Variants in CHST9 observed in about 807,000 individuals in gnomAD.
The protein encoded by CHST9 is GalNAc-4-sulfotransferase 2.
In CHST9, 41 loss-of-function variants were observed where a neutral mutation model predicts 44.4. That is an observed-to-expected ratio of 0.92 (90% CI 0.72 to 1.20). The LOEUF (loss-of-function observed/expected upper bound fraction) is 1.20, where lower values mean the gene tolerates loss of function less well. Among genes scored for constraint, CHST9 ranks in the 50% most tolerant of loss-of-function variants. The probability of loss-of-function intolerance (pLI) is 0.00; values close to 1 mark genes in which losing one functional copy is unlikely to be tolerated. For synonymous variants in CHST9, 171 were observed against 178.4 expected (o/e 0.96, Z 0.33); for missense variants, 504 against 516.5 (o/e 0.98, Z 0.23).
chr18:26,920,861 C>G (rs1367578785), intron 5 of CHST9, among the ~76,000 whole-genome samples: 1 of 152,312 alleles, frequency 6.6e-6, no homozygotes, highest in East Asian at 1.9e-4. Context: ...TCGTGTTTAA[C>G]CTGCCTGCCA....
In CHST9 at chr18:26,911,586, G is replaced by C. The variant is rs778680755; in HGVS notation, c.*4673C>G. 16 of 152,202 alleles carry C rather than the reference G, an allele frequency of 1.1e-4. No individual in the cohort carries two copies. Among genetic ancestry groups the C allele is most frequent in the Non-Finnish European group, 1.8e-4 (12 of 68,036 alleles). The allele number at this position is 152,202 out of a possible 1,614,324, so 9.4% of individuals were successfully genotyped here. On this transcript the variant is annotated 3_prime_UTR_variant, in exon 6 of 6. Coordinates refer to ENST00000618847, the MANE Select transcript of CHST9 (RefSeq NM_031422.6). The stretch of plus-strand genomic sequence containing the variant: ...CAAGAAATGAATGTCCAGATATATA[G>C]AGAGGGGAGCATTCCAAATATAGTG...
chr18:26,979,311 A>G (rs908436295), intron 4 of CHST9, among the ~76,000 whole-genome samples: 4 of 152,176 alleles, frequency 2.6e-5, no homozygotes, highest in African/African-American at 4.8e-5. Flanking sequence ...CCATAAGACA[A>G]TCACTGTTAA....
intron 2 of CHST9, among the ~76,000 whole-genome samples, chr18:27,133,350 CTT>C (rs897718549): frequency 1.4e-4 from 22 of 152,284 alleles, no homozygotes; most frequent in African/African-American, 4.8e-4. Flanking sequence ...GTTCAGAAGA[CTT>C]TAAGCAATTT....
At chr18:27,000,653 T>TATCTATCTATCTATCTATC (rs1481787739) in intron 4 of CHST9, among the ~76,000 whole-genome samples, 114 of 151,560 alleles carry the variant, frequency 7.5e-4, no homozygotes, top group African/African-American at 2.6e-3. Flanking sequence ...TCTATCTATC[T>TATCTATCTATCTATCTATC]ATCTCTCTAT....
chr18:27,114,266 A>G (rs2058300550), intron 2 of CHST9, among the ~76,000 whole-genome samples: 1 of 152,228 alleles, frequency 6.6e-6, no homozygotes, highest in Non-Finnish European at 1.5e-5. Flanking sequence ...ATCTAAGTAT[A>G]TAGTCTTCTA....
intron 2 of CHST9, among the ~76,000 whole-genome samples, chr18:27,096,292 A>G (rs1240328981): frequency 6.6e-6 from 1 of 152,098 alleles, no homozygotes; most frequent in Non-Finnish European, 1.5e-5. Context: ...AGCAGTGTTA[A>G]GAGGAAAGTT....
chr18:27,122,920 G>A (rs979810566), intron 2 of CHST9, among the ~76,000 whole-genome samples: 19 of 152,150 alleles, frequency 1.2e-4, no homozygotes, highest in African/African-American at 4.6e-4. Context: ...AAGGAAACTT[G>A]AACAACTCCT....
chr18:27,045,506 G>A (rs537113391), intron 3 of CHST9, among the ~76,000 whole-genome samples: 22 of 151,692 alleles, frequency 1.5e-4, no homozygotes, highest in Admixed American at 2.6e-4. Context: ...AAATTTTCCC[G>A]GTAAAGAGAA....
chr18:27,104,169 A>G (rs1168007025), intron 2 of CHST9, among the ~76,000 whole-genome samples: 5 of 152,206 alleles, frequency 3.3e-5, no homozygotes, highest in Admixed American at 6.5e-5. Context: ...TGCCCAAGGA[A>G]AAGTCTTCAT....
intron 4 of CHST9, among the ~76,000 whole-genome samples, chr18:26,996,827 C>A (rs1407091380): frequency 5.9e-5 from 9 of 152,084 alleles, no homozygotes; most frequent in Admixed American, 5.9e-4. Flanking sequence ...TATACAGGTA[C>A]CTAAACTATG....
intron 1 of CHST9, among the ~76,000 whole-genome samples, chr18:27,155,105 AAG>A (rs201609284): frequency 0.3 from 42,864 of 144,418 alleles, 6,944 homozygotes; most frequent in Non-Finnish European, 0.37. Context: ...AAAAAAAAAA[AAG>A]AAGTAACCTC....
intron 1 of CHST9, among the ~76,000 whole-genome samples, chr18:27,166,947 CA>C: frequency 6.6e-6 from 1 of 152,264 alleles, no homozygotes; most frequent in Admixed American, 6.5e-5. Context: ...GAAAATGTGA[CA>C]CAGCAAAGGA....
chr18:27,139,912 A>G (rs1486434438), intron 2 of CHST9, among the ~76,000 whole-genome samples: 1 of 152,160 alleles, frequency 6.6e-6, no homozygotes, highest in East Asian at 1.9e-4. Context: ...TACCAATTTC[A>G]GTGATTTTAA....
At chr18:27,030,356 CA>C (rs1260627526) in intron 3 of CHST9, among the ~76,000 whole-genome samples, 1 of 152,084 alleles carries the variant, frequency 6.6e-6, no homozygotes, top group Non-Finnish European at 1.5e-5. Context: ...AAATAGAATT[CA>C]GCTTAAATAT....
At chr18:27,129,098 T>C (rs1047794080) in intron 2 of CHST9, among the ~76,000 whole-genome samples, 5 of 151,302 alleles carry the variant, frequency 3.3e-5, no homozygotes, top group Non-Finnish European at 2.9e-5. Flanking sequence ...TAGAGGAAAG[T>C]GAATTAATTT....
At chr18:27,107,533 T>C (rs1157844073) in intron 2 of CHST9, among the ~76,000 whole-genome samples, 2 of 152,222 alleles carry the variant, frequency 1.3e-5, no homozygotes, top group East Asian at 1.9e-4. Flanking sequence ...ATACTATTGC[T>C]GACATGCAGG....
At chr18:26,931,624 C>T (rs1322031991) in intron 5 of CHST9, among the ~76,000 whole-genome samples, 6 of 152,178 alleles carry the variant, frequency 3.9e-5, no homozygotes, top group Non-Finnish European at 8.8e-5. Flanking sequence ...GTCTTTATTT[C>T]AACGGGCAAG....
chr18:27,110,011 G>C (rs2058256616), intron 2 of CHST9, among the ~76,000 whole-genome samples: 1 of 152,138 alleles, frequency 6.6e-6, no homozygotes. Flanking sequence ...TTTATTACCA[G>C]GGTGGTCTGG....
intron 2 of CHST9, among the ~76,000 whole-genome samples, chr18:27,111,008 G>C (rs972232781): frequency 1.3e-5 from 2 of 152,236 alleles, no homozygotes; most frequent in Non-Finnish European, 2.9e-5. Flanking sequence ...GTCCTGGATA[G>C]AATGGCTTTA....
Sources: allele counts gnomAD v4.1 joint callset (sites outside exome capture counted in the v4.1 genomes callset), GRCh38; gene constraint gnomAD v4.1.1; transcripts MANE v1.5; gene names NCBI Gene and HGNC (gene_info 2026-07-23, HGNC 2026-07-21).